Variants in NEIL3 observed in about 807,000 individuals in gnomAD.
NEIL3 encodes the protein nei like DNA glycosylase 3.
In NEIL3, 48 loss-of-function variants were observed where a neutral mutation model predicts 57.5. The ratio of observed to expected loss-of-function variants is 0.83; its 90% CI spans 0.66 to 1.06. NEIL3 has a LOEUF of 1.06. Among genes scored for constraint, NEIL3 ranks in the 50% least tolerant of loss-of-function variants. The pLI is 0.00. For synonymous variants in NEIL3, 261 were observed against 253.2 expected, an observed-to-expected ratio of 1.03 and a Z score of -0.29; for missense variants, 717 against 739.1, an observed-to-expected ratio of 0.97 and a Z score of 0.35.
chr4:177,336,332 AG>A lies in NEIL3; in HGVS notation c.627+12del. On this transcript the variant is annotated intron_variant, in intron 4 of 9. Transcript: ENST00000264596. ...CACCCAGCTGTTAAAGTAAGTTTTA[AG>A]TATTTTTTTAATTATCTGTTGATTT... 2 of 1,608,308 alleles carry A rather than the reference AG, an allele frequency of 1.2e-6. No homozygotes were observed. The highest frequency in any genetic ancestry group is 1.7e-6 in the Non-Finnish European group (2 of 1,176,508).
chr4:177,317,579 C>T (rs1029823011), intron 1 of NEIL3, among the ~76,000 whole-genome samples: 1 of 144,948 alleles, frequency 6.9e-6, no homozygotes, highest in Non-Finnish European at 1.5e-5. Context: ...TCATTTTCCA[C>T]GGTTAGAACT....
intron 1 of NEIL3, among the ~76,000 whole-genome samples, chr4:177,312,859 T>C (rs1211932860): frequency 6.6e-6 from 1 of 151,958 alleles, no homozygotes; most frequent in Admixed American, 6.5e-5. Context: ...TCTGGGACTT[T>C]GATCTGAAAA....
chr4:177,359,585 C>T (rs181758242), intron 8 of NEIL3, among the ~76,000 whole-genome samples: 4 of 149,570 alleles, frequency 2.7e-5, no homozygotes, highest in South Asian at 2.1e-4. Context: ...AGATATTTAC[C>T]GAAAAGATGA....
chr4:177,322,353 T>A (rs1734700944), intron 1 of NEIL3, 106 bp from the exon 2 acceptor site: 1 of 1,403,626 alleles, frequency 7.1e-7, no homozygotes, highest in Admixed American at 1.8e-5. Flanking sequence ...CTCATTGGAA[T>A]GCACCTGGGC....
intron 6 of NEIL3, among the ~76,000 whole-genome samples, chr4:177,346,951 G>A (rs1053243917): frequency 4.6e-5 from 7 of 150,582 alleles, no homozygotes; most frequent in African/African-American, 7.4e-5. Context: ...GCAGTGAGCC[G>A]AGATCGCGCC....
At chr4:177,318,045 G>A (rs1422164210) in intron 1 of NEIL3, among the ~76,000 whole-genome samples, 1 of 152,138 alleles carries the variant, frequency 6.6e-6, no homozygotes, top group Non-Finnish European at 1.5e-5. Flanking sequence ...TTGGTTATGA[G>A]GGACGTTTCA....
chr4:177,341,434 G>A (rs779031526), intron 5 of NEIL3, 42 bp from the exon 6 acceptor site: 27 of 1,529,370 alleles, frequency 1.8e-5, no homozygotes, highest in Non-Finnish European at 2.3e-5. Context: ...TGGCAGCACT[G>A]TTTTGTGGAT....
intron 8 of NEIL3, among the ~76,000 whole-genome samples, chr4:177,354,908 C>G (rs1735442666): frequency 1.3e-5 from 2 of 152,208 alleles, no homozygotes; most frequent in South Asian, 4.1e-4. Context: ...GCTACATGTC[C>G]AGGAGAACAC....
downstream of NEIL3, among the ~76,000 whole-genome samples, chr4:177,366,152 T>G (rs1253042000): frequency 6.6e-6 from 1 of 152,162 alleles, no homozygotes; most frequent in East Asian, 1.9e-4. Context: ...AATATAAAAT[T>G]TTTTTCCTTT....
intron 1 of NEIL3, among the ~76,000 whole-genome samples, chr4:177,311,278 A>G (rs1451530900): frequency 6.6e-6 from 1 of 152,184 alleles, no homozygotes; most frequent in Non-Finnish European, 1.5e-5. Context: ...TCATTAAATA[A>G]TCACCTAAAG....
chr4:177,350,421 G>A (rs1735325728), intron 6 of NEIL3, among the ~76,000 whole-genome samples: 1 of 152,196 alleles, frequency 6.6e-6, no homozygotes, highest in African/African-American at 2.4e-5. Flanking sequence ...GTCAATGAAG[G>A]ACTTCAGATG....
At chr4:177,332,337 C>T (rs1295355276) in intron 2 of NEIL3, among the ~76,000 whole-genome samples, 2 of 145,522 alleles carry the variant, frequency 1.4e-5, no homozygotes, top group Non-Finnish European at 3.1e-5. Flanking sequence ...TCTACCTCAC[C>T]TTCAACAGGC....
the NEIL3 span, among the ~76,000 whole-genome samples, chr4:177,369,498 T>A: frequency 1.3e-5 from 2 of 151,918 alleles, no homozygotes; most frequent in Admixed American, 6.6e-5. Context: ...AATAAATCAC[T>A]CTCTCCTTAA....
rs150181743 is a variant in NEIL3 at position 177,320,608 on chromosome 4, G to A, written c.157-1851G>A. Among the ~76,000 whole-genome samples the A allele has an allele frequency of 1.8e-3, 265 of 150,346 alleles. 1 individual carries two copies. Among genetic ancestry groups the A allele is most frequent in the African/African-American group, 6.0e-3 (245 of 40,810 alleles). On this transcript the variant is annotated intron_variant, in intron 1 of 9. Transcript: ENST00000264596. ...TTCTCCTGACTCAGCCTCCCGAGTA[G>A]CTGGGGCTACAGGCGCCCGCCACCA...
At chr4:177,314,881 T>A (rs1442134355) in intron 1 of NEIL3, among the ~76,000 whole-genome samples, 2 of 151,868 alleles carry the variant, frequency 1.3e-5, no homozygotes, top group Non-Finnish European at 2.9e-5. Context: ...ATTGAGACCA[T>A]TCTGGCTAAC....
chr4:177,351,639 T>C (rs757712360), intron 7 of NEIL3, 90 bp downstream of exon 7: 8 of 998,578 alleles, frequency 8.0e-6, no homozygotes, highest in Non-Finnish European at 1.0e-5. Context: ...ATCTTGATAT[T>C]CCATAACTAA....
intron 2 of NEIL3, among the ~76,000 whole-genome samples, chr4:177,325,599 T>C (rs557842922): frequency 6.6e-6 from 1 of 152,190 alleles, no homozygotes; most frequent in South Asian, 2.1e-4. Flanking sequence ...AGTCATTTGG[T>C]AAGCATATGT....
chr4:177,349,053 T>G (rs1159358918), intron 6 of NEIL3, among the ~76,000 whole-genome samples: 1 of 144,574 alleles, frequency 6.9e-6, no homozygotes, highest in African/African-American at 2.6e-5. Context: ...TTTTTTTTTT[T>G]TTGTATTTTT....
intron 9 of NEIL3, among the ~76,000 whole-genome samples, chr4:177,362,038 AC>A (rs1735616226): frequency 6.6e-6 from 1 of 152,196 alleles, no homozygotes; most frequent in Admixed American, 6.5e-5. Context: ...CTGTAAATAT[AC>A]CTTTAGATAA....
Sources: gnomAD v4.1 joint callset for allele counts (sites outside exome capture counted in the v4.1 genomes callset) on GRCh38, gnomAD v4.1.1 for gene constraint, MANE v1.5 for transcripts, NCBI Gene and HGNC (gene_info 2026-07-23, HGNC 2026-07-21) for gene names.